FBXL2: variants seen among roughly 807,000 people sequenced by gnomAD.
FBXL2 encodes F-box and leucine rich repeat protein 2, also known as F-box/LRR-repeat protein 2.
FBXL2 carries 38 observed loss-of-function variants against 69.2 expected under a neutral mutation model. The observed-to-expected ratio is 0.55, with a 90% confidence interval of 0.42 to 0.72. The LOEUF (loss-of-function observed/expected upper bound fraction) is 0.72. Among genes scored for constraint, FBXL2 ranks in the 30% least tolerant of loss-of-function variants. The probability of loss-of-function intolerance (pLI) is 0.00; values close to 1 mark genes in which losing one functional copy is unlikely to be tolerated. For missense variants in FBXL2, 354 were observed against 520.3 expected, an observed-to-expected ratio of 0.68 and a Z score of 3.11; for synonymous variants, 192 against 201.3, an observed-to-expected ratio of 0.95 and a Z score of 0.39.
intron 2 of FBXL2, among the ~76,000 whole-genome samples, chr3:33,330,373 A>G (rs1203951353): frequency 6.6e-6 from 1 of 152,120 alleles, no homozygotes; most frequent in Non-Finnish European, 1.5e-5. Flanking sequence ...GGGGATGAAG[A>G]GAGATTGATT....
intron 5 of FBXL2, 151 bp from the exon 6 acceptor site, chr3:33,372,941 C>A (rs2154048125): frequency 1.4e-6 from 1 of 697,112 alleles, no homozygotes; most frequent in South Asian, 1.7e-5. Context: ...GATCTATCAT[C>A]AGAATCTGCA....
chr3:33,299,799 T>C (rs10428231), intron 2 of FBXL2, among the ~76,000 whole-genome samples: 15,236 of 152,280 alleles, frequency 0.1, 799 homozygotes, highest in African/African-American at 0.12. Context: ...GAATGTTCTT[T>C]GGCATTTTTG....
chr3:33,343,661 G>A (rs2040233475), intron 2 of FBXL2, among the ~76,000 whole-genome samples: 1 of 151,978 alleles, frequency 6.6e-6, no homozygotes. Context: ...TCAATCTTTA[G>A]TATTTTGCCT....
At chr3:33,341,061 A>G (rs2039982639) in intron 2 of FBXL2, among the ~76,000 whole-genome samples, 1 of 152,350 alleles carries the variant, frequency 6.6e-6, no homozygotes, top group East Asian at 1.9e-4. Context: ...ACAGCTCTTA[A>G]TAAATTAATA....
chr3:33,296,981 G>C (rs1575109772), intron 1 of FBXL2, among the ~76,000 whole-genome samples: 1 of 152,148 alleles, frequency 6.6e-6, no homozygotes, highest in African/African-American at 2.4e-5. Flanking sequence ...ATTAGTTTAG[G>C]AAGCGTTGCT....
At chr3:33,317,248 A>G (rs142503145) in intron 2 of FBXL2, among the ~76,000 whole-genome samples, 5 of 152,140 alleles carry the variant, frequency 3.3e-5, no homozygotes, top group African/African-American at 1.2e-4. Context: ...GCCCCTGTGT[A>G]CCAGTTCCCC....
intron 2 of FBXL2, among the ~76,000 whole-genome samples, chr3:33,351,488 T>C (rs919425949): frequency 7.9e-5 from 12 of 152,162 alleles, no homozygotes; most frequent in African/African-American, 2.9e-4. Context: ...TGAGGAAAAC[T>C]ACAAAACTCC....
chr3:33,379,158 T>C (rs6776248), intron 13 of FBXL2, among the ~76,000 whole-genome samples: 61,006 of 151,654 alleles, frequency 0.4, 14,299 homozygotes, highest in African/African-American at 0.62. Context: ...TGCGCCACCA[T>C]GCCTGGCTAA....
At chr3:33,319,171 G>T (rs1470198009) in intron 2 of FBXL2, among the ~76,000 whole-genome samples, 1 of 152,082 alleles carries the variant, frequency 6.6e-6, no homozygotes, top group Non-Finnish European at 1.5e-5. Context: ...ACTAGGTACT[G>T]CAGTGGTTCA....
chr3:33,416,622 T>G, the FBXL2 span: 1 of 629,646 alleles, frequency 1.6e-6, no homozygotes, highest in East Asian at 3.0e-5. Flanking sequence ...ATTTTACAGG[T>G]GAATAAACAA....
At chr3:33,277,553 C>G in intron 1 of FBXL2, 38 bp downstream of exon 1, 1 of 1,269,250 alleles carries the variant, frequency 7.9e-7, no homozygotes, top group Non-Finnish European at 1.0e-6. Context: ...CTGCCCCGCC[C>G]TACCCCTACC....
At chr3:33,348,178 TC>T (rs1465770187) in intron 2 of FBXL2, among the ~76,000 whole-genome samples, 1 of 152,190 alleles carries the variant, frequency 6.6e-6, no homozygotes, top group African/African-American at 2.4e-5. Context: ...AAGTCTTTAA[TC>T]CATTTTAATT....
chr3:33,329,225 C>T (rs1256019203), intron 2 of FBXL2, among the ~76,000 whole-genome samples: 2 of 152,088 alleles, frequency 1.3e-5, no homozygotes, highest in African/African-American at 4.8e-5. Context: ...TATCACCTCA[C>T]CCCAGTTAAA....
intron 13 of FBXL2, chr3:33,383,621 C>CA: frequency 4.2e-6 from 1 of 240,648 alleles, no homozygotes; most frequent in South Asian, 6.1e-5. Context: ...AAACTGCTCT[C>CA]AAGGGGGTAA....
chr3:33,359,823 T>C (rs1449753939), intron 4 of FBXL2, among the ~76,000 whole-genome samples: 2 of 152,188 alleles, frequency 1.3e-5, no homozygotes, highest in Non-Finnish European at 2.9e-5. Flanking sequence ...TGTTTTATTA[T>C]CTATAAAATA....
chr3:33,357,696 A>AT (rs1242426910), intron 2 of FBXL2, among the ~76,000 whole-genome samples: 4 of 151,820 alleles, frequency 2.6e-5, no homozygotes. Flanking sequence ...CGCCCGGCTA[A>AT]TTTTTTGTAT....
At chr3:33,341,086 G>A (rs2039984083) in intron 2 of FBXL2, among the ~76,000 whole-genome samples, 1 of 152,058 alleles carries the variant, frequency 6.6e-6, no homozygotes. Flanking sequence ...TAGTCACTGA[G>A]CTTTCAATGC....
At chr3:33,288,445 G>T (rs530169004) in intron 1 of FBXL2, among the ~76,000 whole-genome samples, 3 of 152,170 alleles carry the variant, frequency 2.0e-5, no homozygotes, top group African/African-American at 7.2e-5. Flanking sequence ...GAAAAATAAA[G>T]CTGGGTAGGA....
At chr3:33,420,998 A>G in the FBXL2 span, among the ~76,000 whole-genome samples, 1 of 152,216 alleles carries the variant, frequency 6.6e-6, no homozygotes, top group Non-Finnish European at 1.5e-5. Context: ...AATTCTTTTC[A>G]TTTGAAGAGT....
Sources: gnomAD v4.1 joint callset for allele counts (sites outside exome capture counted in the v4.1 genomes callset) on GRCh38, gnomAD v4.1.1 for gene constraint, MANE v1.5 for transcripts, NCBI Gene and HGNC (gene_info 2026-07-23, HGNC 2026-07-21) for gene names.